TSHR: variants seen among roughly 807,000 people sequenced by gnomAD.
The protein encoded by TSHR is thyroid stimulating hormone receptor.
In TSHR, 51 loss-of-function variants were observed where a neutral mutation model predicts 64.1. The observed-to-expected ratio is 0.80, with a 90% confidence interval of 0.64 to 1.01. The LOEUF is 1.01. Ranked by LOEUF, TSHR falls within the 50% of genes least tolerant of loss-of-function variation. The pLI, the probability that TSHR is intolerant of heterozygous loss-of-function variation, is 0.00. For missense variants in TSHR, 877 were observed against 942.8 expected (o/e 0.93, Z 0.91); for synonymous variants, 361 against 361.9 (o/e 1.00, Z 0.03).
intron 4 of TSHR, among the ~76,000 whole-genome samples, chr14:81,089,064 T>C (rs1445395153): frequency 6.6e-6 from 1 of 150,738 alleles, no homozygotes. Context: ...CTTGGCTCAC[T>C]GCAACCGCCA....
intron 1 of TSHR, among the ~76,000 whole-genome samples, chr14:81,025,792 A>G (rs1884020239): frequency 6.6e-6 from 1 of 150,958 alleles, no homozygotes; most frequent in Admixed American, 6.7e-5. Context: ...GAAATTTAGC[A>G]GTACACACTC....
rs759773701 is a variant in TSHR at position 81,087,994 on chromosome 14, G to A, written c.358G>A (p.Asp120Asn). 1 of 1,613,922 alleles carries A rather than the reference G, an allele frequency of 6.2e-7. No individual in the cohort carries two copies. Among genetic ancestry groups the A allele is most frequent in the Non-Finnish European group, 8.5e-7 (1 of 1,179,850 alleles). ...CAGGAACTTAACTTACATAGACCCTGATGCCCTCAAAGAGCTCCCCCTCCT... is the reference window on the plus strand; with the variant it reads ...CAGGAACTTAACTTACATAGACCCTAATGCCCTCAAAGAGCTCCCCCTCCT... Reference protein sequence around the residue: ...NTRNLTYIDPDALKELPLLKF... With the variant: ...NTRNLTYIDPNALKELPLLKF... Residue 120 changes from aspartate to asparagine, a missense_variant, in exon 4 of 10, where the codon GAT (aspartate) becomes AAT (asparagine). Coordinates refer to ENST00000298171, the MANE Select transcript of TSHR (RefSeq NM_000369.5).
At chr14:81,048,669 A>G (rs1162832011) in intron 1 of TSHR, among the ~76,000 whole-genome samples, 11 of 152,232 alleles carry the variant, frequency 7.2e-5, no homozygotes, top group Admixed American at 7.2e-4. Context: ...ATTTTTAAGT[A>G]CATGATAATC....
rs534672082 is a variant in TSHR at position 81,024,342 on chromosome 14, G to A, written c.171-37806G>A. Reference sequence around the variant, plus strand: ...CGGCTCACTGCAACCTCCACCTTCCGGGTTCAAGCGATTCTTCTGCCTCAG... The same window carrying A: ...CGGCTCACTGCAACCTCCACCTTCCAGGTTCAAGCGATTCTTCTGCCTCAG... On this transcript the variant is annotated intron_variant, in intron 1 of 9. Coordinates refer to ENST00000298171, the MANE Select transcript of TSHR (RefSeq NM_000369.5). Among the ~76,000 whole-genome samples, 6 of 152,034 alleles carry A rather than the reference G, an allele frequency of 3.9e-5. No homozygotes were observed. In the South Asian group the frequency reaches 8.3e-4, roughly 21 times the overall value.
intron 1 of TSHR, among the ~76,000 whole-genome samples, chr14:81,002,795 TTTTTTTTTTTTTATC>T: frequency 1.8e-5 from 1 of 56,164 alleles, no homozygotes; most frequent in Non-Finnish European, 5.0e-5. Flanking sequence ...TTTTTTTTTT[TTTTTTTTTTTTTATC>T]TTTTTTTTTT....
intron 8 of TSHR, among the ~76,000 whole-genome samples, chr14:81,133,290 C>A (rs555959274): frequency 9.9e-5 from 15 of 152,114 alleles, no homozygotes; most frequent in African/African-American, 3.6e-4. Flanking sequence ...CAGGTGAGAG[C>A]CCATCCATGG....
intron 1 of TSHR, among the ~76,000 whole-genome samples, chr14:81,027,665 AG>A (rs1177005145): frequency 6.6e-6 from 1 of 152,160 alleles, no homozygotes; most frequent in Non-Finnish European, 1.5e-5. Context: ...TGTAAAACGT[AG>A]GGGAAAAAAA....
intron 1 of TSHR, chr14:81,049,675 C>T (rs1885336914): frequency 6.6e-6 from 1 of 152,184 alleles, no homozygotes; most frequent in South Asian, 2.1e-4. Context: ...TGTCCCTACC[C>T]AAGTCTCATC....
In TSHR at chr14:80,984,244, T is replaced by C. The variant is rs371557709; in HGVS notation, c.170+28394T>C. On this transcript the variant is annotated intron_variant, in intron 1 of 9. Transcript: ENST00000298171. The stretch of plus-strand genomic sequence containing the variant: ...AGAAAGATCCAGAATTTCAGACAAA[T>C]GCATTATTTGTTCAATTTTAATTTT... Among the ~76,000 whole-genome samples the C allele has an allele frequency of 3.9e-5, 6 of 152,332 alleles. No homozygotes were observed. In the East Asian group the frequency reaches 1.2e-3, roughly 29 times the overall value.
intron 3 of TSHR, among the ~76,000 whole-genome samples, chr14:81,084,544 A>G (rs2300527): frequency 0.16 from 24,831 of 152,118 alleles, 2,446 homozygotes; most frequent in African/African-American, 0.28. Context: ...GCCCTTAGTG[A>G]GTGAGGTTTA....
intron 8 of TSHR, among the ~76,000 whole-genome samples, chr14:81,121,817 T>C (rs1342974049): frequency 6.6e-6 from 1 of 151,236 alleles, no homozygotes; most frequent in Non-Finnish European, 1.5e-5. Flanking sequence ...TGGTGCATAA[T>C]TGTAGTCCCA....
At chr14:81,130,451 A>C (rs921324924) in intron 8 of TSHR, among the ~76,000 whole-genome samples, 1 of 150,946 alleles carries the variant, frequency 6.6e-6, no homozygotes, top group African/African-American at 2.4e-5. Context: ...CCAAATCACT[A>C]CTCTCTCTTG....
At chr14:80,987,214 T>C (rs1278394138) in intron 1 of TSHR, among the ~76,000 whole-genome samples, 1 of 152,228 alleles carries the variant, frequency 6.6e-6, no homozygotes, top group Non-Finnish European at 1.5e-5. Flanking sequence ...TTACCATTCC[T>C]GCATTTATAA....
intron 1 of TSHR, among the ~76,000 whole-genome samples, chr14:81,022,847 C>T (rs1054709774): frequency 2.6e-5 from 4 of 151,522 alleles, no homozygotes; most frequent in African/African-American, 7.3e-5. Flanking sequence ...AGATGTGGGG[C>T]GTTTGGGAGG....
intron 1 of TSHR, among the ~76,000 whole-genome samples, chr14:80,991,323 C>A (rs1028193191): frequency 2.0e-5 from 3 of 152,066 alleles, no homozygotes; most frequent in African/African-American, 4.8e-5. Flanking sequence ...TAAAAAAAAG[C>A]CTTGAAAACT....
chr14:81,014,037 A>G (rs985756748), intron 1 of TSHR: 1 of 152,230 alleles, frequency 6.6e-6, no homozygotes, highest in Non-Finnish European at 1.5e-5. Context: ...AAAATTCATC[A>G]TAATTTGAGA....
chr14:81,028,018 A>T (rs1007277346), intron 1 of TSHR, among the ~76,000 whole-genome samples: 5 of 152,170 alleles, frequency 3.3e-5, no homozygotes, highest in African/African-American at 1.2e-4. Flanking sequence ...AAGCAAGAAG[A>T]TGGAAGTAAC....
chr14:81,078,964 C>G (rs1887697483), intron 3 of TSHR: 1 of 152,138 alleles, frequency 6.6e-6, no homozygotes, highest in Non-Finnish European at 1.5e-5. Context: ...GTTATTTTAA[C>G]CACTTAATCT....
chr14:81,120,753 A>C (rs1435294040), intron 8 of TSHR, among the ~76,000 whole-genome samples: 1 of 152,234 alleles, frequency 6.6e-6, no homozygotes, highest in African/African-American at 2.4e-5. Context: ...TAAAATAAAC[A>C]GAAAAAGGAA....
Sources: gnomAD v4.1 joint callset for allele counts (sites outside exome capture counted in the v4.1 genomes callset) on GRCh38, gnomAD v4.1.1 for gene constraint, MANE v1.5 for transcripts, NCBI Gene and HGNC (gene_info 2026-07-23, HGNC 2026-07-21) for gene names.